Variants in TUT4 observed in about 807,000 individuals in gnomAD.
TUT4 encodes the protein terminal uridylyl transferase 4.
In TUT4, 36 loss-of-function variants were observed where a neutral mutation model predicts 192.2. That is an observed-to-expected ratio of 0.19 (90% confidence interval 0.14 to 0.25). TUT4 has a LOEUF of 0.25. Among genes scored for constraint, TUT4 ranks in the 10% least tolerant of loss-of-function variants. The pLI, the probability that TUT4 is intolerant of heterozygous loss-of-function variation, is 1.00. For missense variants in TUT4, 1,493 were observed against 1,957.2 expected (o/e 0.76, Z 4.47); for synonymous variants, 618 against 666.0 (o/e 0.93, Z 1.11).
chr1:52,539,616 C>T (rs777493991), intron 1 of TUT4, among the ~76,000 whole-genome samples: 9 of 152,196 alleles, frequency 5.9e-5, no homozygotes, highest in East Asian at 1.9e-4. Context: ...CAGTGCAGGG[C>T]GCGGTGGCTC....
intron 4 of TUT4, among the ~76,000 whole-genome samples, chr1:52,498,979 T>A (rs1673361159): frequency 3.3e-5 from 4 of 119,914 alleles, no homozygotes; most frequent in African/African-American, 1.3e-4. Context: ...CACAGAAATA[T>A]AAAGATCAAT....
chr1:52,442,297 A>T (rs1477172837), intron 24 of TUT4, among the ~76,000 whole-genome samples: 1 of 152,096 alleles, frequency 6.6e-6, no homozygotes, highest in Non-Finnish European at 1.5e-5. Flanking sequence ...GAACATAATG[A>T]TGTAGAAAAA....
chr1:52,488,870 TA>T, intron 9 of TUT4, 38 bp downstream of exon 9: 1 of 1,572,190 alleles, frequency 6.4e-7, no homozygotes. Context: ...CATTTCCTTC[TA>T]AAAATATAAA....
chr1:52,544,245 G>A (rs1244902857), intron 1 of TUT4, among the ~76,000 whole-genome samples: 4 of 151,138 alleles, frequency 2.6e-5, no homozygotes, highest in African/African-American at 7.3e-5. Context: ...CTGAGATCGT[G>A]CCAGTGCACT....
intron 9 of TUT4, among the ~76,000 whole-genome samples, chr1:52,483,511 C>T (rs1235410792): frequency 6.6e-6 from 1 of 152,122 alleles, no homozygotes; most frequent in African/African-American, 2.4e-5. Flanking sequence ...ATCAACTGCA[C>T]ACTGAAAATA....
chr1:52,536,158 C>T (rs1684839289), intron 1 of TUT4, among the ~76,000 whole-genome samples: 1 of 152,008 alleles, frequency 6.6e-6, no homozygotes, highest in Non-Finnish European at 1.5e-5. Flanking sequence ...ATTTAAAAGA[C>T]AAATGCATAA....
rs150176065 is a variant in TUT4, at chr1:52,455,101, T to C, written c.3435+3235A>G. ...GAGCTCGAGACCAACCTGGGCAACA[T>C]GGAGAAACCCAATCTCTATAAAACA... On this transcript the variant is annotated intron_variant, in intron 20 of 29. Transcript: ENST00000257177. Among the ~76,000 whole-genome samples the C allele has an allele frequency of 5.0e-3, 765 of 152,116 alleles. 8 individuals are homozygous for C. Among genetic ancestry groups the C allele is most frequent in the African/African-American group, 0.017 (709 of 41,502 alleles).
chr1:52,446,750 T>A, intron 20 of TUT4, 83 bp from the exon 21 acceptor site: 1 of 967,250 alleles, frequency 1.0e-6, no homozygotes, highest in East Asian at 2.6e-5. Context: ...TTTTAGAATT[T>A]ACCTATAAGA....
intron 20 of TUT4, among the ~76,000 whole-genome samples, chr1:52,452,396 A>G (rs998327898): frequency 1.3e-5 from 2 of 152,196 alleles, no homozygotes; most frequent in Admixed American, 6.5e-5. Context: ...CAAGTTGACT[A>G]CTGGCTGACA....
chr1:52,441,446 T>C (rs113906385), intron 24 of TUT4, among the ~76,000 whole-genome samples: 202 of 107,334 alleles, frequency 1.9e-3, no homozygotes, highest in African/African-American at 0.012. Context: ...TCGGCTAAAT[T>C]TTTTTTTTTT....
intron 1 of TUT4, among the ~76,000 whole-genome samples, chr1:52,543,483 T>TC (rs1687251330): frequency 1.5e-5 from 1 of 68,240 alleles, no homozygotes; most frequent in Non-Finnish European, 2.5e-5. Context: ...AAAGACTTAA[T>TC]TTTTTTTTTT....
intron 1 of TUT4, among the ~76,000 whole-genome samples, chr1:52,540,524 AAAAG>A (rs1553234575): frequency 0.013 from 1,925 of 150,804 alleles, 34 homozygotes; most frequent in African/African-American, 0.042. Flanking sequence ...CAAAAAAAAA[AAAAG>A]AAAGAAAGAA....
At chr1:52,550,399 C>T (rs1326112607) in intron 1 of TUT4, among the ~76,000 whole-genome samples, 2 of 150,620 alleles carry the variant, frequency 1.3e-5, no homozygotes, top group Non-Finnish European at 3.0e-5. Context: ...TTAATCAATT[C>T]AAGTATTTGC....
chr1:52,491,547 G>A (rs1189859188), intron 7 of TUT4, among the ~76,000 whole-genome samples: 1 of 152,090 alleles, frequency 6.6e-6, no homozygotes, highest in East Asian at 1.9e-4. Context: ...AATTATCCGG[G>A]CATGGTGGCA....
intron 20 of TUT4, among the ~76,000 whole-genome samples, chr1:52,448,802 AC>A (rs1384640151): frequency 6.6e-6 from 1 of 152,088 alleles, no homozygotes; most frequent in African/African-American, 2.4e-5. Context: ...CCTCTTTAGA[AC>A]CCTGTTTTGA....
chr1:52,537,729 A>G (rs772342253), intron 1 of TUT4, among the ~76,000 whole-genome samples: 5 of 152,150 alleles, frequency 3.3e-5, no homozygotes, highest in Non-Finnish European at 5.9e-5. Flanking sequence ...CCTGGCCAAC[A>G]TGGCGAAATC....
intron 4 of TUT4, among the ~76,000 whole-genome samples, chr1:52,508,417 A>T (rs1297637447): frequency 6.6e-6 from 1 of 151,782 alleles, no homozygotes; most frequent in South Asian, 2.1e-4. Flanking sequence ...GAAAATTCCT[A>T]ATTATTATCA....
intron 4 of TUT4, among the ~76,000 whole-genome samples, chr1:52,506,138 A>G (rs1024065022): frequency 6.6e-6 from 1 of 152,112 alleles, no homozygotes; most frequent in East Asian, 1.9e-4. Flanking sequence ...TTTTTAATGT[A>G]AAACTAACAC....
Position 52,435,403 on chromosome 1 carries a change from C to G in TUT4, c.4225G>C (p.Gly1409Arg). 6.2e-7 allele frequency: 1 copy of G among 1,614,112 alleles called. No homozygotes were observed. The highest frequency in any genetic ancestry group is 8.5e-7 in the Non-Finnish European group (1 of 1,179,998). Residue 1409 changes from glycine (G) to arginine (R), a missense_variant, in exon 27 of 30, where the codon GGT becomes CGT. By Grantham distance (125) the Gly-to-Arg change is moderately radical. Around this residue, in one of 7 missense-constraint regions of TUT4, gnomAD observed 351 missense variants for 397.8 expected, o/e 0.88. Coordinates refer to ENST00000257177, the MANE Select transcript of TUT4 (RefSeq NM_001009881.3). ...TGTCTAGTCCTTATGGACTGATCAC[C>G]CTGTTGCTGAGCTGAACCAGCCACC... ...QQVAGSAQQQ[G>R]DQSIRTRQSS...
Sources: allele counts gnomAD v4.1 joint callset (sites outside exome capture counted in the v4.1 genomes callset), GRCh38; gene constraint gnomAD v4.1.1; regional missense constraint gnomAD v4.1.1; transcripts MANE v1.5; gene names NCBI Gene and HGNC (gene_info 2026-07-23, HGNC 2026-07-21).